ANO2: variants seen among roughly 807,000 people sequenced by gnomAD.
The protein encoded by ANO2 is anoctamin-2.
A neutral mutation model predicts 124.2 loss-of-function variants in ANO2; 101 were observed. The observed-to-expected ratio is 0.81, with a 90% confidence interval of 0.69 to 0.96. The LOEUF is 0.96. Among genes scored for constraint, ANO2 ranks in the 40% least tolerant of loss-of-function variants. ANO2 has a pLI of 0.00. For missense variants in ANO2, 1,293 were observed against 1,274.5 expected, an observed-to-expected ratio of 1.01 and a Z score of -0.22; for synonymous variants, 486 against 482.5, an observed-to-expected ratio of 1.01 and a Z score of -0.09.
chr12:5,678,160 T>C (rs1948336150), intron 14 of ANO2, among the ~76,000 whole-genome samples: 1 of 152,176 alleles, frequency 6.6e-6, no homozygotes, highest in African/African-American at 2.4e-5. Context: ...CGCTAGATAA[T>C]TGATGCTGGC....
chr12:5,889,357 C>G (rs915455995), intron 3 of ANO2, among the ~76,000 whole-genome samples: 3 of 152,268 alleles, frequency 2.0e-5, no homozygotes, highest in African/African-American at 7.2e-5. Context: ...CGAGAGCGAG[C>G]GAGGGCTGCA....
At chr12:5,940,542 C>G (rs1942853811) in intron 1 of ANO2, among the ~76,000 whole-genome samples, 1 of 152,126 alleles carries the variant, frequency 6.6e-6, no homozygotes, top group South Asian at 2.1e-4. Context: ...GCTTGTCTTG[C>G]TCCTAGGTTC....
In ANO2 at chr12:5,832,511, T is replaced by C; in HGVS notation, c.726A>G (p.Glu242=). ...LSSHLQPRVP[E]HSNNKMKNLS... Reference sequence around the variant, plus strand: ...GGTTTTTCATCTTGTTGTTGCTGTGTTCTGGAACTCGGGGCTGCAGGTGCG... The same window carrying C: ...GGTTTTTCATCTTGTTGTTGCTGTGCTCTGGAACTCGGGGCTGCAGGTGCG... Residue 242 remains glutamate, a synonymous_variant, in exon 5 of 25, where the codon GAA becomes GAG. Coordinates refer to ENST00000682330, the MANE Select transcript of ANO2 (RefSeq NM_001364791.2). 1 of 1,614,012 alleles carries C rather than the reference T, an allele frequency of 6.2e-7. No individual in the cohort carries two copies.
intron 3 of ANO2, among the ~76,000 whole-genome samples, chr12:5,916,463 C>A: frequency 1.1e-5 from 1 of 93,282 alleles, no homozygotes; most frequent in Non-Finnish European, 2.2e-5. Context: ...GGAGACCTGA[C>A]AACTCTGAAT....
In ANO2 at chr12:5,650,465, T is replaced by C. The variant is rs373143135; in HGVS notation, c.1546-2664A>G. On this transcript the variant is annotated intron_variant, in intron 14 of 24. Transcript: ENST00000682330. ...CCAACACACACACAGTGCTCATGCATTCAGACACTCCCAACATAAGAAGCC... is the reference window on the plus strand; with the variant it reads ...CCAACACACACACAGTGCTCATGCACTCAGACACTCCCAACATAAGAAGCC... 5.9e-5 allele frequency among the ~76,000 whole-genome samples: 9 copies of C among 152,164 alleles called. No homozygotes were observed. In the East Asian group the frequency reaches 9.6e-4, roughly 16 times the overall value.
chr12:5,787,468 T>C lies in ANO2; in HGVS notation c.1055+12039A>G, dbSNP rs1329086990. 2.0e-5 allele frequency among the ~76,000 whole-genome samples: 3 copies of C among 152,180 alleles called. No individual in the cohort carries two copies. Among genetic ancestry groups the C allele is most frequent in the Admixed American group, 6.5e-5 (1 of 15,290 alleles). ...CATACACATGGTGGAGAAGCCAGAC[T>C]CAGGAGTTCAGATCCTACCTCTCTC... On this transcript the variant is annotated intron_variant, in intron 10 of 24. Transcript: ENST00000682330. This position sits in a 1 kb window ranked among gnomAD's most constrained non-coding sequence, Gnocchi z 4.2.
intron 14 of ANO2, among the ~76,000 whole-genome samples, chr12:5,725,183 C>G (rs1950390598): frequency 6.6e-6 from 1 of 151,958 alleles, no homozygotes; most frequent in African/African-American, 2.4e-5. Context: ...CATACTAACA[C>G]AATCTCACAC....
intron 1 of ANO2, among the ~76,000 whole-genome samples, chr12:5,937,552 C>T (rs1348828655): frequency 6.6e-6 from 1 of 152,040 alleles, no homozygotes; most frequent in Non-Finnish European, 1.5e-5. Context: ...TCATGGATCA[C>T]TTATTTCTAT....
intron 4 of ANO2, chr12:5,851,852 GC>G: frequency 1.4e-6 from 1 of 697,352 alleles, no homozygotes; most frequent in Non-Finnish European, 2.6e-6. Flanking sequence ...AAATAAGCAA[GC>G]GGAGGTTGAA....
intron 15 of ANO2, among the ~76,000 whole-genome samples, chr12:5,646,848 A>T (rs1297415172): frequency 2.0e-5 from 3 of 152,222 alleles, no homozygotes; most frequent in African/African-American, 7.2e-5. Flanking sequence ...TGAGACGAAA[A>T]CACAATTCCT....
intron 14 of ANO2, among the ~76,000 whole-genome samples, chr12:5,706,891 T>G (rs1949631104): frequency 1.3e-5 from 2 of 152,238 alleles, no homozygotes; most frequent in South Asian, 4.1e-4. Context: ...GAGCTACTAA[T>G]TCACAGCCAA....
intron 5 of ANO2, among the ~76,000 whole-genome samples, chr12:5,831,909 C>A (rs1385310012): frequency 6.6e-6 from 1 of 152,140 alleles, no homozygotes; most frequent in East Asian, 1.9e-4. Context: ...GTGGCTCCCC[C>A]TTCCAAACGT....
Position 5,769,249 on chromosome 12 carries a change from G to A in ANO2, c.1056-18279C>T, listed in dbSNP as rs1325685646. Among the ~76,000 whole-genome samples the A allele has an allele frequency of 2.0e-5, 3 of 152,158 alleles. No homozygotes were observed. In the South Asian group the frequency reaches 6.2e-4, roughly 32 times the overall value. Reference sequence around the variant, plus strand: ...AATAAAGAGCCATCGTATGGAGCAAGGGAGGCTGCAGAGCCAGGCTGATGG... The same window carrying A: ...AATAAAGAGCCATCGTATGGAGCAAAGGAGGCTGCAGAGCCAGGCTGATGG... On this transcript the variant is annotated intron_variant, in intron 10 of 24. Coordinates refer to ENST00000682330, the MANE Select transcript of ANO2 (RefSeq NM_001364791.2). The surrounding 1 kb of genome is among the most constrained non-coding windows in gnomAD (Gnocchi z 4.0).
At chr12:5,754,871 A>AT (rs1951531912) in intron 10 of ANO2, among the ~76,000 whole-genome samples, 1 of 151,770 alleles carries the variant, frequency 6.6e-6, no homozygotes, top group Non-Finnish European at 1.5e-5. Context: ...AGCTTCATCA[A>AT]TTTTTTGTTT....
chr12:5,903,248 G>C (rs919612209), intron 3 of ANO2, among the ~76,000 whole-genome samples: 1 of 152,040 alleles, frequency 6.6e-6, no homozygotes, highest in South Asian at 2.1e-4. Flanking sequence ...GCCAGAAAAA[G>C]ACAAAAGAGT....
At chr12:5,647,633 A>C in intron 15 of ANO2, 94 bp downstream of exon 15, 1 of 1,058,772 alleles carries the variant, frequency 9.4e-7, no homozygotes, top group Non-Finnish European at 1.4e-6. Flanking sequence ...CCAGCCTCTC[A>C]TTATTTCCAT....
rs185958888 is a variant in ANO2, at chr12:5,867,562, C to A, written c.535-13421G>T. ...GAAGTTGAAAATTACTGTGCTGCCCCGCACATCTGTCCGACCTGACATAGA... is the reference window on the plus strand; with the variant it reads ...GAAGTTGAAAATTACTGTGCTGCCCAGCACATCTGTCCGACCTGACATAGA... On this transcript the variant is annotated intron_variant, in intron 3 of 24. Transcript: ENST00000682330. 2.0e-4 allele frequency among the ~76,000 whole-genome samples: 31 copies of A among 152,222 alleles called. No individual in the cohort carries two copies. The East Asian group carries it at 6.0e-3, about 29-fold the overall frequency.
At chr12:5,739,468 C>T (rs1245532405) in intron 12 of ANO2, 69 bp from the exon 13 acceptor site, 2 of 1,336,250 alleles carry the variant, frequency 1.5e-6, no homozygotes, top group Non-Finnish European at 2.1e-6. Flanking sequence ...CCTTTGGGCT[C>T]ACCAGTGGAG....
chr12:5,679,308 G>T (rs776236253), intron 14 of ANO2, among the ~76,000 whole-genome samples: 1 of 152,210 alleles, frequency 6.6e-6, no homozygotes, highest in Non-Finnish European at 1.5e-5. Flanking sequence ...AAGCTAAAGA[G>T]CTTCTGCACA....
Sources: gnomAD v4.1 joint callset for allele counts (sites outside exome capture counted in the v4.1 genomes callset) on GRCh38, gnomAD v4.1.1 for gene constraint, Gnocchi (gnomAD v3.1) non-coding constraint, MANE v1.5 for transcripts, NCBI Gene and HGNC (gene_info 2026-07-23, HGNC 2026-07-21) for gene names.